Variants in TMCC1 observed in about 807,000 individuals in gnomAD.
TMCC1 encodes the protein transmembrane and coiled-coil domain family 1.
A neutral mutation model predicts 52.4 loss-of-function variants in TMCC1; 15 were observed. That is an observed-to-expected ratio of 0.29 (90% confidence interval 0.19 to 0.44). The LOEUF is 0.44. Among genes scored for constraint, TMCC1 ranks in the 20% least tolerant of loss-of-function variants. TMCC1 has a pLI of 1.00. For missense variants in TMCC1, 503 were observed against 806.0 expected, an observed-to-expected ratio of 0.62 and a Z score of 4.55; for synonymous variants, 279 against 301.9, an observed-to-expected ratio of 0.92 and a Z score of 0.79.
chr3:129,718,708 TCTTC>T (rs1450653863), intron 4 of TMCC1, among the ~76,000 whole-genome samples: 1 of 152,148 alleles, frequency 6.6e-6, no homozygotes, highest in Non-Finnish European at 1.5e-5. Context: ...ATGTATTTTC[TCTTC>T]CTTATGATTT....
chr3:129,671,380 C>A, intron 4 of TMCC1, 116 bp from the exon 5 acceptor site: 1 of 1,099,030 alleles, frequency 9.1e-7, no homozygotes, highest in Non-Finnish European at 1.3e-6. Flanking sequence ...GATAACTGAC[C>A]TATAATTCCC....
chr3:129,670,317 C>T lies in TMCC1; in HGVS notation c.1511+13G>A, dbSNP rs937104690. 5.6e-6 allele frequency: 9 copies of T among 1,604,014 alleles called. No individual in the cohort carries two copies. In the African/African-American group the frequency reaches 1.1e-4, roughly 19 times the overall value. On this transcript the variant is annotated intron_variant, in intron 5 of 6. Transcript: ENST00000393238. ...ACACAAATAATTTCAGATATTAATT[C>T]CATGTGACTTACCTATATCGCTCCT... is the stretch of plus-strand genomic sequence containing the variant.
intron 5 of TMCC1, among the ~76,000 whole-genome samples, 184 bp downstream of exon 5, chr3:129,670,146 G>C (rs961641222): frequency 2.0e-5 from 3 of 152,174 alleles, no homozygotes; most frequent in African/African-American, 7.2e-5. Flanking sequence ...GTTCTAAACT[G>C]GCACGAAAGA....
chr3:129,816,852 C>A (rs1464326683), intron 4 of TMCC1, among the ~76,000 whole-genome samples: 1 of 151,372 alleles, frequency 6.6e-6, no homozygotes, highest in African/African-American at 2.4e-5. Flanking sequence ...ATCAAGACCC[C>A]ATTTCTAGAA....
intron 4 of TMCC1, among the ~76,000 whole-genome samples, chr3:129,808,475 C>G (rs1321102581): frequency 1.3e-5 from 2 of 150,758 alleles, no homozygotes; most frequent in Non-Finnish European, 2.9e-5. Flanking sequence ...GAGCAAGACT[C>G]CATCTCAAAT....
intron 4 of TMCC1, among the ~76,000 whole-genome samples, chr3:129,708,537 T>G (rs1422753240): frequency 6.6e-6 from 1 of 152,226 alleles, no homozygotes; most frequent in African/African-American, 2.4e-5. Flanking sequence ...TCACATAATG[T>G]GATGACCTCT....
intron 4 of TMCC1, among the ~76,000 whole-genome samples, chr3:129,708,032 T>C (rs2048375947): frequency 6.6e-6 from 1 of 152,064 alleles, no homozygotes; most frequent in Admixed American, 6.5e-5. Flanking sequence ...AAAGTCCTAA[T>C]TAAAATTACT....
chr3:129,769,418 C>G (rs552200098), intron 4 of TMCC1, among the ~76,000 whole-genome samples: 1 of 152,068 alleles, frequency 6.6e-6, no homozygotes, highest in South Asian at 2.1e-4. Flanking sequence ...TTAGTAGAGA[C>G]GGGGTTTCAC....
At chr3:129,868,594 A>G (rs11717828) in intron 2 of TMCC1, among the ~76,000 whole-genome samples, 304 of 152,266 alleles carry the variant, frequency 2.0e-3, no homozygotes, top group Non-Finnish European at 2.9e-3. Flanking sequence ...GCACACCATC[A>G]TGCCCAGCTA....
At chr3:129,772,018 C>T (rs761650610) in intron 4 of TMCC1, among the ~76,000 whole-genome samples, 34 of 152,112 alleles carry the variant, frequency 2.2e-4, no homozygotes, top group Non-Finnish European at 3.7e-4. Context: ...GTGTGGAGGA[C>T]AAGAAGACAA....
At chr3:129,822,249 G>A (rs183648417) in intron 4 of TMCC1, among the ~76,000 whole-genome samples, 50 of 152,192 alleles carry the variant, frequency 3.3e-4, no homozygotes, top group African/African-American at 9.6e-4. Flanking sequence ...ACTGTTACCC[G>A]TCTGAAAATG....
intron 4 of TMCC1, among the ~76,000 whole-genome samples, chr3:129,679,439 G>C (rs968697095): frequency 1.7e-4 from 26 of 152,248 alleles, no homozygotes; most frequent in African/African-American, 6.0e-4. Context: ...CCGAGTAGCT[G>C]GGACTACAGG....
chr3:129,718,364 T>C (rs2049271370), intron 4 of TMCC1, among the ~76,000 whole-genome samples: 1 of 152,226 alleles, frequency 6.6e-6, no homozygotes, highest in Non-Finnish European at 1.5e-5. Context: ...ATTGCAAGTA[T>C]CCACTTAAAG....
At chr3:129,663,818 G>A (rs1398273509) in intron 5 of TMCC1, among the ~76,000 whole-genome samples, 1 of 152,084 alleles carries the variant, frequency 6.6e-6, no homozygotes, top group Non-Finnish European at 1.5e-5. Context: ...GAGGAGGAGG[G>A]AGCATTTGTT....
chr3:129,879,777 ATAT>A (rs1175719755), intron 2 of TMCC1, among the ~76,000 whole-genome samples: 3 of 152,198 alleles, frequency 2.0e-5, no homozygotes, highest in Non-Finnish European at 4.4e-5. Flanking sequence ...TACAGCCATA[ATAT>A]TATGCTAACG....
chr3:129,835,342 T>TAC (rs933356184), intron 2 of TMCC1, among the ~76,000 whole-genome samples: 23 of 151,828 alleles, frequency 1.5e-4, no homozygotes, highest in African/African-American at 5.6e-4. Context: ...TATATATATA[T>TAC]ATATTTTAAT....
intron 2 of TMCC1, among the ~76,000 whole-genome samples, chr3:129,850,615 C>T (rs576257798): frequency 4.6e-5 from 7 of 152,270 alleles, no homozygotes; most frequent in African/African-American, 7.2e-5. Flanking sequence ...GAGACCAGCT[C>T]GGTGGGGGAG....
At position 129,875,529 on chromosome 3, in the gene TMCC1, AC is replaced by A. The variant is rs200949401; in HGVS notation, c.-184+4779del. Among the ~76,000 whole-genome samples the A allele has an allele frequency of 6.5e-3, 955 of 147,774 alleles. 6 individuals carry two copies. Among genetic ancestry groups the A allele is most frequent in the Middle Eastern group, 0.017 (5 of 288 alleles). On this transcript the variant is annotated intron_variant, in intron 2 of 6. Coordinates refer to ENST00000393238, the MANE Select transcript of TMCC1 (RefSeq NM_001017395.5). ...AAAAAAAAAAAAACAACACAAACAC[AC>A]CCAAAAAAGATTACTCATACCAGTG... is the stretch of plus-strand genomic sequence containing the variant.
Position 129,647,927 on chromosome 3 carries a change from C to T in TMCC1, c.*3554G>A, listed in dbSNP as rs2086116857. On this transcript the variant is annotated 3_prime_UTR_variant, in exon 7 of 7. Transcript: ENST00000393238. ...TAAGATCTATCAACTACAGTGTTAA[C>T]GTTCACACGTTCACAAGTGTCATTT... 1 of 152,768 alleles carries T rather than the reference C, an allele frequency of 6.5e-6. No individual in the cohort carries two copies. The highest frequency in any genetic ancestry group is 1.5e-5 in the Non-Finnish European group (1 of 68,038). 9.5% of individuals were successfully genotyped at this position (152,768 alleles called of 1,614,324 possible). A position where few individuals can be genotyped will look rare whatever the true frequency, so the allele number is the denominator to read the frequency against.
Sources: allele counts gnomAD v4.1 joint callset (sites outside exome capture counted in the v4.1 genomes callset), GRCh38; gene constraint gnomAD v4.1.1; transcripts MANE v1.5; gene names NCBI Gene and HGNC (gene_info 2026-07-23, HGNC 2026-07-21).